The following PCDHGA2 variants were observed in gnomAD, a reference collection of about 807,000 sequenced individuals.
The protein encoded by PCDHGA2 is protocadherin gamma subfamily A, 2.
Under a neutral mutation model 59.2 loss-of-function variants are expected in PCDHGA2, and 40 were observed. The observed-to-expected ratio is 0.68, with a 90% CI of 0.52 to 0.88. The LOEUF is 0.88. PCDHGA2 is among the 40% of genes least tolerant of loss of function. The probability of loss-of-function intolerance (pLI) is 0.00; values close to 1 mark genes in which losing one functional copy is unlikely to be tolerated. For synonymous variants in PCDHGA2, 560 were observed against 526.0 expected (o/e 1.06, Z -0.89); for missense variants, 1,226 against 1,204.0 (o/e 1.02, Z -0.27).
chr5:141,366,259 G>A (rs369720611), intron 1 of PCDHGA2: 29 of 1,613,546 alleles, frequency 1.8e-5, no homozygotes, highest in Non-Finnish European at 2.5e-5. Context: ...AGAGCCTCGT[G>A]GTGGCCGTCG....
At chr5:141,497,212 G>T (rs968445663) in intron 2 of PCDHGA2, among the ~76,000 whole-genome samples, 3 of 150,900 alleles carry the variant, frequency 2.0e-5, no homozygotes, top group Non-Finnish European at 3.0e-5. Context: ...AGTGTAATGG[G>T]GGGGGGAAGA....
intron 1 of PCDHGA2, among the ~76,000 whole-genome samples, chr5:141,446,107 T>C (rs1031524158): frequency 6.6e-6 from 1 of 152,130 alleles, no homozygotes; most frequent in Admixed American, 6.5e-5. Flanking sequence ...TATAGATATA[T>C]TTAGGAAATG....
Position 141,477,864 on chromosome 5 carries a change from G to A in PCDHGA2, c.2425-16943G>A, listed in dbSNP as rs775055164. On this transcript the variant is annotated intron_variant, in intron 1 of 3. Transcript: ENST00000394576. The surrounding 1 kb of genome is among the most constrained non-coding windows in gnomAD (Gnocchi z 4.9). Reference sequence around the variant, plus strand: ...AGCTCGGTGGAGATGCTGCCTCGAGGTACCTCAGCTGGCCACCTAGTGTCA... The same window carrying A: ...AGCTCGGTGGAGATGCTGCCTCGAGATACCTCAGCTGGCCACCTAGTGTCA... 1.2e-6 allele frequency: 2 copies of A among 1,613,122 alleles called. No homozygotes were observed. The highest frequency in any genetic ancestry group is 4.5e-5 in the East Asian group (2 of 44,822).
chr5:141,507,861 C>G (rs538942097), intron 3 of PCDHGA2, among the ~76,000 whole-genome samples: 6 of 152,306 alleles, frequency 3.9e-5, no homozygotes, highest in South Asian at 4.1e-4. Flanking sequence ...CTTTCACACC[C>G]GCTTCCTAGC....
intron 1 of PCDHGA2, chr5:141,372,770 C>A (rs776185691): frequency 6.2e-7 from 1 of 1,611,252 alleles, no homozygotes; most frequent in Non-Finnish European, 8.5e-7. Context: ...AAAGTAATGA[C>A]AATCCAGAAA....
Position 141,485,625 on chromosome 5 carries a change from G to T in PCDHGA2, c.2425-9182G>T. 6.2e-7 allele frequency: 1 copy of T among 1,611,968 alleles called. No individual in the cohort carries two copies. On this transcript the variant is annotated intron_variant, in intron 1 of 3. Transcript: ENST00000394576. This position sits in a 1 kb window ranked among gnomAD's most constrained non-coding sequence, Gnocchi z 5.7. ...GGGGAGGCAGCTCCTCCAGGACAGC[G>T]TTTCCCGTTGGAAAAGGCTCAGGAT...
chr5:141,383,462 A>G (rs2072315), intron 1 of PCDHGA2: 731,761 of 1,613,122 alleles, frequency 0.45, 173,214 homozygotes, highest in African/African-American at 0.81. Flanking sequence ...GGAGACGATG[A>G]AACTAAGTAC....
intron 1 of PCDHGA2, chr5:141,421,637 A>T: frequency 6.2e-7 from 1 of 1,613,810 alleles, no homozygotes; most frequent in Non-Finnish European, 8.5e-7. Flanking sequence ...TTCCAGGAGG[A>T]CGAAGTGGAG....
chr5:141,382,029 A>G (rs574099831), intron 1 of PCDHGA2, among the ~76,000 whole-genome samples: 1 of 151,502 alleles, frequency 6.6e-6, no homozygotes, highest in Non-Finnish European at 1.5e-5. Context: ...GGGTTTCTCC[A>G]TGTTGGTCAG....
chr5:141,475,213 G>C (rs1359120020), intron 1 of PCDHGA2, among the ~76,000 whole-genome samples: 2 of 152,170 alleles, frequency 1.3e-5, no homozygotes, highest in African/African-American at 4.8e-5. Context: ...GAAAAGGATT[G>C]ATCAAGTAAA....
intron 1 of PCDHGA2, chr5:141,410,671 C>T: frequency 1.3e-6 from 2 of 1,563,260 alleles, no homozygotes; most frequent in Non-Finnish European, 1.7e-6. Context: ...ACTAGTTTCT[C>T]ATATTTTAGG....
At position 141,431,869 on chromosome 5, in the gene PCDHGA2, T is replaced by C. The variant is rs140856757; in HGVS notation, c.2425-62938T>C. ...GAGGGACATTAATTGCCCTTTTAAA[T>C]GTAAATGACCAAGATTCTGAGGAAA... is the stretch of plus-strand genomic sequence containing the variant. On this transcript the variant is annotated intron_variant, in intron 1 of 3. Transcript: ENST00000394576. The surrounding 1 kb of genome is among the most constrained non-coding windows in gnomAD (Gnocchi z 4.8). 8.5e-4 allele frequency: 1,376 copies of C among 1,614,252 alleles called. 2 individuals carry two copies. Among genetic ancestry groups the C allele is most frequent in the Non-Finnish European group, 1.1e-3 (1,291 of 1,180,028 alleles).
At chr5:141,350,030 C>T (rs916605863) in intron 1 of PCDHGA2, 2 of 377,360 alleles carry the variant, frequency 5.3e-6, no homozygotes, top group Non-Finnish European at 9.4e-6. Context: ...TCCAAGACAA[C>T]CTCTGGGCGC....
chr5:141,477,275 G>C lies in PCDHGA2; in HGVS notation c.2425-17532G>C, dbSNP rs1241603826. On this transcript the variant is annotated intron_variant, in intron 1 of 3. Transcript: ENST00000394576. This position sits in a 1 kb window ranked among gnomAD's most constrained non-coding sequence, Gnocchi z 4.9. ...CCTGGATGCTGGCGAGAACGGGCTG[G>C]TGACCTGCGAAGTTCCACCGGGTCT... The C allele has an allele frequency of 2.5e-6, 4 of 1,614,198 alleles. No individual in the cohort carries two copies. The South Asian group carries it at 4.4e-5, about 18-fold the overall frequency.
At chr5:141,421,964 C>A (rs772274014) in intron 1 of PCDHGA2, 3 of 1,611,350 alleles carry the variant, frequency 1.9e-6, no homozygotes, top group Non-Finnish European at 2.5e-6. Flanking sequence ...TTTACACAGT[C>A]CGTATATCGC....
Position 141,501,940 on chromosome 5 carries a change from C to T in PCDHGA2, c.2484-3453C>T, listed in dbSNP as rs565207980. Among the ~76,000 whole-genome samples the T allele has an allele frequency of 2.6e-5, 4 of 152,250 alleles. No individual in the cohort carries two copies. In the East Asian group the frequency reaches 7.7e-4, roughly 29 times the overall value. On this transcript the variant is annotated intron_variant, in intron 2 of 3. Transcript: ENST00000394576. ...CAGCTTTGTTCCCTCAACACCACTG[C>T]TCCCTGTGACAGGTCATCCTCCTAA...
chr5:141,466,928 T>TTAG (rs1231908662), intron 1 of PCDHGA2, among the ~76,000 whole-genome samples: 1 of 152,220 alleles, frequency 6.6e-6, no homozygotes, highest in Non-Finnish European at 1.5e-5. Context: ...ATTAGGAATA[T>TTAG]TAGTCCTTTG....
At chr5:141,410,523 A>G (rs2095403267) in intron 1 of PCDHGA2, 3 of 1,613,800 alleles carry the variant, frequency 1.9e-6, no homozygotes, top group South Asian at 2.2e-5. Flanking sequence ...GTGCCCCTAC[A>G]TTCCAATGAA....
chr5:141,339,738 T>A lies in PCDHGA2; in HGVS notation c.767T>A (p.Leu256His), dbSNP rs1221899090. 2.5e-6 allele frequency: 4 copies of A among 1,614,112 alleles called. No homozygotes were observed. Among genetic ancestry groups the A allele is most frequent in the Non-Finnish European group, 3.4e-6 (4 of 1,179,994 alleles). Residue 256 changes from leucine to histidine, a missense_variant, in exon 1 of 4, where the codon CTC becomes CAC. Physicochemically the swap from Leu to His is moderately conservative, Grantham distance 99. Coordinates refer to ENST00000394576, the MANE Select transcript of PCDHGA2 (RefSeq NM_018915.4). ...EYRISIPENT[L>H]VGTRILTVTA... ...CGCATAAGCATTCCGGAGAATACGC[T>A]CGTGGGCACCCGGATACTCACGGTG...
Sources: gnomAD v4.1 joint callset for allele counts (sites outside exome capture counted in the v4.1 genomes callset) on GRCh38, gnomAD v4.1.1 for gene constraint, Gnocchi (gnomAD v3.1) non-coding constraint, MANE v1.5 for transcripts, NCBI Gene and HGNC (gene_info 2026-07-23, HGNC 2026-07-21) for gene names.